Variants in RAVER2 observed in about 807,000 individuals in gnomAD.
RAVER2 encodes ribonucleoprotein PTB-binding 2.
RAVER2 carries 46 observed loss-of-function variants against 78.1 expected under a neutral mutation model. The ratio of observed to expected loss-of-function variants is 0.59; its 90% CI spans 0.46 to 0.75. RAVER2 has a LOEUF of 0.75. RAVER2 is among the 30% of genes least tolerant of loss of function. The pLI is 0.00. For synonymous variants in RAVER2, 311 were observed against 313.3 expected, an observed-to-expected ratio of 0.99 and a Z score of 0.08; for missense variants, 793 against 837.5, an observed-to-expected ratio of 0.95 and a Z score of 0.66.
At chr1:64,765,170 T>C (rs968258882) in intron 1 of RAVER2, among the ~76,000 whole-genome samples, 2 of 152,196 alleles carry the variant, frequency 1.3e-5, no homozygotes, top group African/African-American at 4.8e-5. Flanking sequence ...GACTGTACAC[T>C]GGTACATCAT....
At chr1:64,777,486 G>A (rs1049951509) in intron 2 of RAVER2, 137 bp from the exon 3 acceptor site, 1 of 670,106 alleles carries the variant, frequency 1.5e-6, no homozygotes, top group Non-Finnish European at 2.5e-6. Flanking sequence ...ATTGCATATA[G>A]TAGGGGTATT....
chr1:64,755,752 T>C (rs892897435), intron 1 of RAVER2, among the ~76,000 whole-genome samples: 1 of 145,340 alleles, frequency 6.9e-6, no homozygotes, highest in Non-Finnish European at 1.5e-5. Context: ...TTTTTTTTTT[T>C]TGTAGCCAGA....
chr1:64,797,977 G>A (rs1426307567), intron 5 of RAVER2, among the ~76,000 whole-genome samples: 1 of 149,984 alleles, frequency 6.7e-6, no homozygotes, highest in African/African-American at 2.5e-5. Flanking sequence ...CATTGTGCAG[G>A]TTAGTTACAT....
At chr1:64,775,855 C>T (rs1461177617) in intron 2 of RAVER2, among the ~76,000 whole-genome samples, 3 of 151,874 alleles carry the variant, frequency 2.0e-5, no homozygotes, top group Non-Finnish European at 4.4e-5. Context: ...CCCATCTCTA[C>T]TAAAAATACA....
chr1:64,816,521 A>T (rs1218206565), intron 11 of RAVER2: 1 of 152,268 alleles, frequency 6.6e-6, no homozygotes, highest in African/African-American at 2.4e-5. Flanking sequence ...ACCATTATAG[A>T]AAAAGGTGGT....
intron 11 of RAVER2, among the ~76,000 whole-genome samples, chr1:64,821,991 T>C (rs944559507): frequency 6.6e-6 from 1 of 152,120 alleles, no homozygotes; most frequent in African/African-American, 2.4e-5. Flanking sequence ...TCAGGAACTT[T>C]TAAAAAGTAT....
chr1:64,817,194 C>T (rs558257775), intron 11 of RAVER2, among the ~76,000 whole-genome samples: 57 of 152,252 alleles, frequency 3.7e-4, no homozygotes, highest in African/African-American at 1.3e-3. Context: ...CAAATCAAAA[C>T]CACAATGAGA....
intron 1 of RAVER2, among the ~76,000 whole-genome samples, chr1:64,755,724 GTTTTTTTTTTTTT>G (rs753375050): frequency 2.1e-4 from 13 of 60,658 alleles, no homozygotes; most frequent in Middle Eastern, 0.014. Flanking sequence ...ATGCTTCATA[GTTTTTTTTTTTTT>G]TTTTTTTTTT....
chr1:64,766,237 A>C (rs1652172557), intron 1 of RAVER2, among the ~76,000 whole-genome samples: 1 of 152,222 alleles, frequency 6.6e-6, no homozygotes, highest in Non-Finnish European at 1.5e-5. Flanking sequence ...TTTATTCCTT[A>C]AAATCAGTAA....
intron 11 of RAVER2, among the ~76,000 whole-genome samples, 163 bp from the exon 12 acceptor site, chr1:64,830,676 A>T (rs762327338): frequency 2.0e-5 from 3 of 152,244 alleles, no homozygotes; most frequent in South Asian, 4.1e-4. Flanking sequence ...GAAATTTAAA[A>T]GTCTTATTTA....
At chr1:64,786,808 T>C (rs1446288871) in intron 4 of RAVER2, among the ~76,000 whole-genome samples, 1 of 151,560 alleles carries the variant, frequency 6.6e-6, no homozygotes, top group East Asian at 1.9e-4. Flanking sequence ...AAAAAAAAAA[T>C]ACTATTTTGT....
chr1:64,781,269 A>G (rs1405739770), intron 3 of RAVER2, 111 bp from the exon 4 acceptor site: 1 of 952,194 alleles, frequency 1.1e-6, no homozygotes, highest in East Asian at 2.6e-5. Context: ...TGTTATTTCC[A>G]CCAGTATCAT....
intron 11 of RAVER2, among the ~76,000 whole-genome samples, chr1:64,821,200 AT>A (rs1381913278): frequency 6.6e-6 from 1 of 152,160 alleles, no homozygotes; most frequent in Non-Finnish European, 1.5e-5. Context: ...GCCACATAGT[AT>A]GTCTTCTTTT....
chr1:64,822,805 T>C (rs1653918955), intron 11 of RAVER2, among the ~76,000 whole-genome samples: 1 of 152,186 alleles, frequency 6.6e-6, no homozygotes, highest in South Asian at 2.1e-4. Flanking sequence ...TAGTGATGAA[T>C]GAATAAACAA....
chr1:64,803,136 T>C, intron 6 of RAVER2, 75 bp downstream of exon 6: 1 of 1,114,934 alleles, frequency 9.0e-7, no homozygotes, highest in Admixed American at 2.1e-5. Flanking sequence ...ACACTTAAAG[T>C]TCTCAAGAAA....
exon 12 of RAVER2, chr1:64,832,198 A>T (rs1654161456): frequency 6.6e-6 from 1 of 152,636 alleles, no homozygotes; most frequent in African/African-American, 2.4e-5. Context: ...ATAGTATAGT[A>T]AAGCAGTCAA....
At chr1:64,779,472 G>A (rs1019882532) in intron 3 of RAVER2, among the ~76,000 whole-genome samples, 1 of 151,686 alleles carries the variant, frequency 6.6e-6, no homozygotes, top group Non-Finnish European at 1.5e-5. Context: ...AGGTTCAAGC[G>A]ATCTTCTTGT....
chr1:64,794,954 A>G (rs1343078172), intron 5 of RAVER2, among the ~76,000 whole-genome samples: 11 of 152,096 alleles, frequency 7.2e-5, no homozygotes, highest in Non-Finnish European at 1.6e-4. Context: ...TTTTATCCCT[A>G]TATTTAGGTC....
At position 64,804,233 on chromosome 1, in the gene RAVER2, A is replaced by G. The variant is rs538532043; in HGVS notation, c.1192-501A>G. 3.9e-5 allele frequency among the ~76,000 whole-genome samples: 6 copies of G among 152,280 alleles called. No homozygotes were observed. In the South Asian group the frequency reaches 1.0e-3, roughly 26 times the overall value. ...AACCTTCCTTGAATCTTCCAGGCTA[A>G]ATAGCATTCCTCCACTATTTGTTCT... On this transcript the variant is annotated intron_variant, in intron 6 of 11. Coordinates refer to ENST00000294428, the Ensembl canonical transcript of RAVER2.
Sources: gnomAD v4.1 joint callset for allele counts (sites outside exome capture counted in the v4.1 genomes callset) on GRCh38, gnomAD v4.1.1 for gene constraint, MANE v1.5 for transcripts, NCBI Gene and HGNC (gene_info 2026-07-23, HGNC 2026-07-21) for gene names.